The following DLG2 variants were observed in gnomAD, a reference collection of about 807,000 sequenced individuals.
DLG2 encodes the protein discs large MAGUK scaffold protein 2, also known as disks large homolog 2.
Under a neutral mutation model 132.5 loss-of-function variants are expected in DLG2, and 45 were observed. The observed-to-expected ratio is 0.34, with a 90% CI of 0.27 to 0.44. The LOEUF (loss-of-function observed/expected upper bound fraction) is 0.44. DLG2 is among the 20% of genes least tolerant of loss of function. The pLI is 1.00. For synonymous variants in DLG2, 424 were observed against 419.6 expected (o/e 1.01, Z -0.13); for missense variants, 1,045 against 1,196.9 (o/e 0.87, Z 1.87).
chr11:83,718,776 A>C (rs777727795), intron 18 of DLG2, among the ~76,000 whole-genome samples: 2 of 152,136 alleles, frequency 1.3e-5, no homozygotes, highest in African/African-American at 4.8e-5. Context: ...CTCTAAGAAG[A>C]CAATATTGAA....
chr11:85,025,184 C>T (rs1410203236), intron 6 of DLG2, among the ~76,000 whole-genome samples: 13 of 152,186 alleles, frequency 8.5e-5, no homozygotes, highest in Admixed American at 2.6e-4. Context: ...ATACACTCAT[C>T]ATACCATGAT....
intron 7 of DLG2, among the ~76,000 whole-genome samples, chr11:84,408,050 CA>C (rs2098866908): frequency 6.6e-6 from 1 of 152,104 alleles, no homozygotes; most frequent in African/African-American, 2.4e-5. Context: ...GAGGAGACAA[CA>C]GCTTTAATTT....
intron 3 of DLG2, among the ~76,000 whole-genome samples, chr11:85,474,890 T>C (rs928937280): frequency 6.6e-6 from 1 of 151,546 alleles, no homozygotes; most frequent in African/African-American, 2.4e-5. Flanking sequence ...TATCTTTCAA[T>C]GCTTACATTA....
chr11:83,586,704 A>G (rs2097092488), intron 19 of DLG2, among the ~76,000 whole-genome samples: 2 of 152,172 alleles, frequency 1.3e-5, no homozygotes, highest in Non-Finnish European at 2.9e-5. Context: ...TTTTATTAAC[A>G]TTTTTTGAGA....
chr11:85,208,252 C>T (rs116277700), intron 4 of DLG2, among the ~76,000 whole-genome samples: 1 of 152,076 alleles, frequency 6.6e-6, no homozygotes, highest in Non-Finnish European at 1.5e-5. Context: ...AGAATATTTT[C>T]CATGTATCAT....
chr11:85,377,441 T>C (rs1281628562), intron 3 of DLG2, among the ~76,000 whole-genome samples: 3 of 152,110 alleles, frequency 2.0e-5, no homozygotes, highest in Non-Finnish European at 2.9e-5. Context: ...CAGCACAGTA[T>C]GGTAAGAAAA....
At chr11:84,547,366 C>G (rs1176833656) in intron 6 of DLG2, among the ~76,000 whole-genome samples, 1 of 152,166 alleles carries the variant, frequency 6.6e-6, no homozygotes, top group African/African-American at 2.4e-5. Context: ...TCACAGCCCT[C>G]CTAGTCTCAC....
intron 7 of DLG2, among the ~76,000 whole-genome samples, chr11:84,395,614 T>C (rs1277853753): frequency 6.6e-6 from 1 of 152,190 alleles, no homozygotes; most frequent in Non-Finnish European, 1.5e-5. Flanking sequence ...GGCAGGGTTT[T>C]GCCATGTTGC....
intron 3 of DLG2, among the ~76,000 whole-genome samples, chr11:85,533,458 C>CATATATATATATATATATATATATATAT (rs34379979): frequency 1.4e-5 from 2 of 142,142 alleles, no homozygotes; most frequent in Admixed American, 7.2e-5. Context: ...ACATAAAATA[C>CATATATATATATATATATATATATATAT]ATATATATAT....
At chr11:84,307,674 T>G (rs1599555995) in intron 7 of DLG2, among the ~76,000 whole-genome samples, 3 of 107,266 alleles carry the variant, frequency 2.8e-5, no homozygotes, top group African/African-American at 7.5e-5. Flanking sequence ...CCGGCCTGGG[T>G]GAAAGAGCGA....
At chr11:85,062,405 G>A (rs550628876) in intron 6 of DLG2, among the ~76,000 whole-genome samples, 113 of 151,642 alleles carry the variant, frequency 7.5e-4, no homozygotes, top group African/African-American at 2.7e-3. Flanking sequence ...TGGGCTCATG[G>A]TTCCTACTTT....
chr11:83,983,981 A>C (rs957009535), intron 11 of DLG2, among the ~76,000 whole-genome samples: 4 of 152,094 alleles, frequency 2.6e-5, no homozygotes, highest in African/African-American at 9.7e-5. Flanking sequence ...AACTCTGAAA[A>C]GAGAAGGCTA....
chr11:83,720,054 A>T (rs963685873), intron 18 of DLG2, among the ~76,000 whole-genome samples: 1 of 152,030 alleles, frequency 6.6e-6, no homozygotes, highest in African/African-American at 2.4e-5. Flanking sequence ...GCACTTTGGG[A>T]GGCCGAGGTG....
rs761433384 is a variant in DLG2, at chr11:85,515,785, T to C, written c.40+82872A>G. On this transcript the variant is annotated intron_variant, in intron 3 of 27. Coordinates refer to ENST00000376104, the MANE Select transcript of DLG2 (RefSeq NM_001142699.3). ...GTAGAAATTTGTGAGGTTTTATGAA[T>C]CTTCTATCCATAAATGGTTATGAGA... Among the ~76,000 whole-genome samples the C allele has an allele frequency of 2.0e-5, 3 of 152,120 alleles. No individual in the cohort carries two copies. In the East Asian group the frequency reaches 5.8e-4, roughly 29 times the overall value.
intron 10 of DLG2, among the ~76,000 whole-genome samples, chr11:84,061,751 G>C (rs910943619): frequency 1.3e-5 from 2 of 150,822 alleles, no homozygotes; most frequent in African/African-American, 4.9e-5. Flanking sequence ...TCAAAATCTT[G>C]AGATGGAATA....
At chr11:84,388,721 G>A (rs943316242) in intron 7 of DLG2, among the ~76,000 whole-genome samples, 31 of 151,872 alleles carry the variant, frequency 2.0e-4, no homozygotes, top group African/African-American at 7.3e-4. Context: ...AGGAAACGAG[G>A]AAGAAGAGAA....
intron 6 of DLG2, among the ~76,000 whole-genome samples, chr11:84,619,739 A>G (rs942482360): frequency 1.3e-5 from 2 of 151,750 alleles, no homozygotes; most frequent in Non-Finnish European, 3.0e-5. Flanking sequence ...AAGTTTTTCA[A>G]AATTAATGCT....
chr11:83,762,022 T>G (rs2093932374), intron 18 of DLG2, among the ~76,000 whole-genome samples: 2 of 152,180 alleles, frequency 1.3e-5, no homozygotes, highest in Admixed American at 6.5e-5. Context: ...AAGCTCAAAG[T>G]CCATGATCTA....
At chr11:84,867,642 C>T (rs1037201548) in intron 6 of DLG2, among the ~76,000 whole-genome samples, 3 of 152,148 alleles carry the variant, frequency 2.0e-5, no homozygotes, top group African/African-American at 4.8e-5. Context: ...AATAATAATA[C>T]GGCCACTTAG....
Sources: gnomAD v4.1 joint callset for allele counts (sites outside exome capture counted in the v4.1 genomes callset) on GRCh38, gnomAD v4.1.1 for gene constraint, MANE v1.5 for transcripts, NCBI Gene and HGNC (gene_info 2026-07-23, HGNC 2026-07-21) for gene names.